POFUT3: variants seen among roughly 807,000 people sequenced by gnomAD.
POFUT3 encodes the protein protein O-fucosyltransferase 3.
At chr8:33,389,833 C>A in the POFUT3 span, 1 of 1,447,820 alleles carries the variant, frequency 6.9e-7, no homozygotes, top group South Asian at 1.2e-5. Context: ...ATTAGTATTT[C>A]CAAAAGATGT....
At chr8:33,379,147 C>T in the POFUT3 span, among the ~76,000 whole-genome samples, 559 of 152,142 alleles carry the variant, frequency 3.7e-3, 3 homozygotes, top group African/African-American at 0.013. Flanking sequence ...CTTTGCTTTT[C>T]GCCATGATTG....
At chr8:33,444,933 C>CTTTTTTTTTTT in the POFUT3 span, among the ~76,000 whole-genome samples, 2 of 121,674 alleles carry the variant, frequency 1.6e-5, no homozygotes, top group Non-Finnish European at 3.2e-5. Context: ...TGACCTTCAT[C>CTTTTTTTTTTT]TTTTTTTTTT....
the POFUT3 span, among the ~76,000 whole-genome samples, chr8:33,416,827 C>A: frequency 8.3e-4 from 86 of 103,716 alleles, no homozygotes; most frequent in Admixed American, 1.6e-3. Flanking sequence ...GCCTGGGCGA[C>A]GACAAAAAAA....
chr8:33,448,458 T>C, the POFUT3 span, among the ~76,000 whole-genome samples: 19 of 151,890 alleles, frequency 1.3e-4, no homozygotes, highest in Non-Finnish European at 2.5e-4. Context: ...AAAACAAATA[T>C]GGTCTAGGTG....
chr8:33,365,345 A>G, the POFUT3 span, among the ~76,000 whole-genome samples: 1 of 152,190 alleles, frequency 6.6e-6, no homozygotes, highest in African/African-American at 2.4e-5. Flanking sequence ...GGACATACGC[A>G]TGGGCAAGGA....
At chr8:33,331,957 G>A in the POFUT3 span, among the ~76,000 whole-genome samples, 4 of 56 alleles carry the variant, frequency 0.071, no homozygotes, top group Non-Finnish European at 0.12. Context: ...ATTACAGGCG[G>A]AGCCACCGCG....
the POFUT3 span, among the ~76,000 whole-genome samples, chr8:33,357,050 T>C: frequency 6.6e-6 from 1 of 152,218 alleles, no homozygotes; most frequent in African/African-American, 2.4e-5. Context: ...TTGGTACCAG[T>C]ACCATGCTGT....
chr8:33,369,876 A>G, the POFUT3 span, among the ~76,000 whole-genome samples: 26 of 152,304 alleles, frequency 1.7e-4, 1 homozygote, highest in South Asian at 5.4e-3. Flanking sequence ...ACAGCAACAA[A>G]GAAGCCATTC....
At chr8:33,467,697 C>G in the POFUT3 span, among the ~76,000 whole-genome samples, 1 of 152,152 alleles carries the variant, frequency 6.6e-6, no homozygotes, top group Admixed American at 6.6e-5. Flanking sequence ...GCCATCAAAA[C>G]CAGCAACACT....
the POFUT3 span, among the ~76,000 whole-genome samples, chr8:33,375,366 G>A: frequency 6.6e-6 from 1 of 152,158 alleles, no homozygotes; most frequent in Non-Finnish European, 1.5e-5. Flanking sequence ...AAATGCTGGG[G>A]AAGTGACATC....
chr8:33,396,586 A>G, the POFUT3 span, among the ~76,000 whole-genome samples: 1 of 152,290 alleles, frequency 6.6e-6, no homozygotes, highest in East Asian at 1.9e-4. Flanking sequence ...TGATAATGTA[A>G]AAGAAAAATG....
the POFUT3 span, among the ~76,000 whole-genome samples, chr8:33,357,286 G>C: frequency 6.6e-6 from 1 of 151,950 alleles, no homozygotes; most frequent in Non-Finnish European, 1.5e-5. Context: ...TCACAATATT[G>C]ATTCTTCCTA....
chr8:33,402,278 A>T, the POFUT3 span, among the ~76,000 whole-genome samples: 1 of 152,354 alleles, frequency 6.6e-6, no homozygotes, highest in African/African-American at 2.4e-5. Context: ...TCAAGATACC[A>T]ACCGAATGCT....
At chr8:33,383,373 A>C in the POFUT3 span, among the ~76,000 whole-genome samples, 1 of 152,184 alleles carries the variant, frequency 6.6e-6, no homozygotes, top group Admixed American at 6.5e-5. Flanking sequence ...CTGGTGGTAA[A>C]TCCCCATTAA....
the POFUT3 span, among the ~76,000 whole-genome samples, chr8:33,429,443 T>C: frequency 6.6e-6 from 1 of 152,214 alleles, no homozygotes; most frequent in Non-Finnish European, 1.5e-5. Context: ...TATGTAATCA[T>C]TGTTTGACTA....
At chr8:33,437,747 G>T in the POFUT3 span, among the ~76,000 whole-genome samples, 25 of 152,100 alleles carry the variant, frequency 1.6e-4, no homozygotes, top group African/African-American at 6.0e-4. Context: ...GGAGGCAGAG[G>T]TTGCAGTAAG....
chr8:33,384,930 CACTGTG>C, the POFUT3 span, among the ~76,000 whole-genome samples: 5 of 151,950 alleles, frequency 3.3e-5, no homozygotes, highest in African/African-American at 1.2e-4. Context: ...GGACACATGA[CACTGTG>C]ACAACAATGT....
chr8:33,354,270 G>A, the POFUT3 span, among the ~76,000 whole-genome samples: 1 of 152,184 alleles, frequency 6.6e-6, no homozygotes, highest in Non-Finnish European at 1.5e-5. Context: ...GGCTCATTCA[G>A]TTATGAAGGT....
At chr8:33,406,233 T>C in the POFUT3 span, among the ~76,000 whole-genome samples, 1 of 150,712 alleles carries the variant, frequency 6.6e-6, no homozygotes, top group African/African-American at 2.4e-5. Context: ...TATTCTAACA[T>C]GAAAAAAAAA....
Sources: allele counts gnomAD v4.1 joint callset (sites outside exome capture counted in the v4.1 genomes callset), GRCh38; gene constraint gnomAD v4.1.1; transcripts MANE v1.5; gene names NCBI Gene and HGNC (gene_info 2026-07-23, HGNC 2026-07-21).